Variants in CDH12 observed in about 807,000 individuals in gnomAD.
CDH12 encodes cadherin 12, also known as cadherin-12.
In CDH12, 41 loss-of-function variants were observed where a neutral mutation model predicts 74.1. The observed-to-expected ratio is 0.55, with a 90% confidence interval of 0.43 to 0.72. The LOEUF (loss-of-function observed/expected upper bound fraction) is 0.72. CDH12 is among the 30% of genes least tolerant of loss of function. The pLI, the probability that CDH12 is intolerant of heterozygous loss-of-function variation, is 0.00. For synonymous variants in CDH12, 399 were observed against 355.0 expected (o/e 1.12, Z -1.39); for missense variants, 945 against 977.2 (o/e 0.97, Z 0.44).
chr5:21,830,828 G>C (rs1748975150), intron 8 of CDH12, among the ~76,000 whole-genome samples: 1 of 151,960 alleles, frequency 6.6e-6, no homozygotes, highest in South Asian at 2.1e-4. Flanking sequence ...ACAAGGTCAG[G>C]AGTTCAAGAC....
chr5:21,911,241 T>C (rs1021374641), intron 6 of CDH12, among the ~76,000 whole-genome samples: 18 of 152,194 alleles, frequency 1.2e-4, no homozygotes, highest in Admixed American at 8.5e-4. Flanking sequence ...ATAAACTAAA[T>C]TGTGGTATAT....
chr5:22,674,047 GT>G (rs2126918427), intron 1 of CDH12, among the ~76,000 whole-genome samples: 1 of 152,256 alleles, frequency 6.6e-6, no homozygotes, highest in South Asian at 2.1e-4. Flanking sequence ...ACAATTCTGT[GT>G]GCTTATAAGA....
intron 2 of CDH12, among the ~76,000 whole-genome samples, chr5:22,407,617 T>C (rs977214963): frequency 6.6e-6 from 1 of 152,092 alleles, no homozygotes; most frequent in African/African-American, 2.4e-5. Flanking sequence ...GAGCCCGATG[T>C]ACTTCAAGCT....
At position 21,929,397 on chromosome 5, in the gene CDH12, T is replaced by A. The variant is rs143147273; in HGVS notation, c.526+45694A>T. 8.3e-4 allele frequency among the ~76,000 whole-genome samples: 126 copies of A among 151,520 alleles called. 2 individuals are homozygous for A. The East Asian group carries it at 0.021, about 25-fold the overall frequency. Reference sequence around the variant, plus strand: ...TGGGGTGATGGGAGACAGTGACAGATCATCAGGCATTAGATTTTCATAAGG... The same window carrying A: ...TGGGGTGATGGGAGACAGTGACAGAACATCAGGCATTAGATTTTCATAAGG... On this transcript the variant is annotated intron_variant, in intron 6 of 14. Coordinates refer to ENST00000382254, the MANE Select transcript of CDH12 (RefSeq NM_004061.5).
chr5:22,692,036 A>G (rs1232872280), intron 1 of CDH12, among the ~76,000 whole-genome samples: 4 of 152,174 alleles, frequency 2.6e-5, no homozygotes, highest in Non-Finnish European at 4.4e-5. Flanking sequence ...CCCCAATGTT[A>G]GAGGTGGTAC....
chr5:22,223,951 A>G (rs1170326639), intron 3 of CDH12, among the ~76,000 whole-genome samples: 1 of 152,012 alleles, frequency 6.6e-6, no homozygotes, highest in Non-Finnish European at 1.5e-5. Flanking sequence ...ACTGTCACTG[A>G]GCAATAGAGG....
At chr5:22,128,540 T>C (rs1162657550) in intron 4 of CDH12, among the ~76,000 whole-genome samples, 4 of 152,200 alleles carry the variant, frequency 2.6e-5, no homozygotes, top group Admixed American at 6.5e-5. Context: ...CCTTCAATTA[T>C]TTTGACACAT....
chr5:21,860,300 G>A (rs1198373077), intron 6 of CDH12, among the ~76,000 whole-genome samples: 1 of 151,958 alleles, frequency 6.6e-6, no homozygotes, highest in Non-Finnish European at 1.5e-5. Flanking sequence ...ATAGCATTTA[G>A]GTTAAGGATT....
At chr5:21,917,279 C>T (rs888345727) in intron 6 of CDH12, among the ~76,000 whole-genome samples, 2 of 152,128 alleles carry the variant, frequency 1.3e-5, no homozygotes, top group African/African-American at 4.8e-5. Context: ...CCCCTGGGAG[C>T]CTCAAAAACT....
chr5:22,272,414 G>A (rs1013445889), intron 3 of CDH12, among the ~76,000 whole-genome samples: 2 of 152,132 alleles, frequency 1.3e-5, no homozygotes, highest in African/African-American at 4.8e-5. Flanking sequence ...CAGCAGTAAA[G>A]CTGTTTCACT....
chr5:22,242,862 C>T (rs768917014), intron 3 of CDH12, among the ~76,000 whole-genome samples: 9 of 152,162 alleles, frequency 5.9e-5, no homozygotes, highest in Non-Finnish European at 1.2e-4. Context: ...AACTGAGCTA[C>T]TAGATTTGAT....
At chr5:22,315,329 C>G (rs1483680438) in intron 3 of CDH12, among the ~76,000 whole-genome samples, 1 of 151,566 alleles carries the variant, frequency 6.6e-6, no homozygotes, top group Non-Finnish European at 1.5e-5. Flanking sequence ...ACAACAACAA[C>G]AGCAAAAACC....
chr5:21,958,659 GT>G (rs1490665650), intron 6 of CDH12, among the ~76,000 whole-genome samples: 1 of 152,092 alleles, frequency 6.6e-6, no homozygotes. Flanking sequence ...TTATGTCCCT[GT>G]TTTTGTGCCA....
intron 5 of CDH12, among the ~76,000 whole-genome samples, chr5:21,996,517 A>C (rs1307703741): frequency 2.0e-5 from 3 of 152,172 alleles, no homozygotes. Context: ...GATTTCCCCA[A>C]TATCTTCCAT....
At chr5:21,785,302 C>T (rs1313139619) in intron 10 of CDH12, among the ~76,000 whole-genome samples, 3 of 152,176 alleles carry the variant, frequency 2.0e-5, no homozygotes, top group African/African-American at 7.2e-5. Flanking sequence ...GTCCCTGAGA[C>T]ACAACAATAT....
intron 6 of CDH12, among the ~76,000 whole-genome samples, chr5:21,904,356 G>A (rs989523068): frequency 2.0e-5 from 3 of 152,202 alleles, no homozygotes; most frequent in African/African-American, 4.8e-5. Flanking sequence ...CAAGAGACAT[G>A]TGGAAGGAAT....
chr5:22,564,376 CAA>C (rs1739197577), intron 1 of CDH12, among the ~76,000 whole-genome samples: 1 of 152,160 alleles, frequency 6.6e-6, no homozygotes, highest in Admixed American at 6.5e-5. Flanking sequence ...CAAATGTAAT[CAA>C]GTTTCCCTCC....
chr5:22,340,034 A>C (rs932137899), intron 3 of CDH12, among the ~76,000 whole-genome samples: 1 of 152,344 alleles, frequency 6.6e-6, no homozygotes, highest in South Asian at 2.1e-4. Context: ...AACACTTACA[A>C]GACGGAAAGT....
intron 1 of CDH12, among the ~76,000 whole-genome samples, chr5:22,699,819 T>A (rs934092149): frequency 1.3e-5 from 2 of 152,166 alleles, no homozygotes; most frequent in South Asian, 2.1e-4. Flanking sequence ...TAAAATTTAA[T>A]TCAAAATAGG....
Sources: allele counts gnomAD v4.1 joint callset (sites outside exome capture counted in the v4.1 genomes callset), GRCh38; gene constraint gnomAD v4.1.1; transcripts MANE v1.5; gene names NCBI Gene and HGNC (gene_info 2026-07-23, HGNC 2026-07-21).